Variants in UGT1A5 observed in about 807,000 individuals in gnomAD.
UGT1A5 encodes the protein UDP glucuronosyltransferase family 1 member A5, also known as UDP-glucuronosyltransferase 1A5.
In UGT1A5, 29 loss-of-function variants were observed where a neutral mutation model predicts 40.3. The observed-to-expected ratio is 0.72, with a 90% CI of 0.54 to 0.98. The LOEUF (loss-of-function observed/expected upper bound fraction) is 0.98, where lower values mean the gene tolerates loss of function less well. UGT1A5 is among the 50% of genes least tolerant of loss of function. UGT1A5 has a pLI of 0.00. For synonymous variants in UGT1A5, 257 were observed against 262.5 expected (o/e 0.98, Z 0.20); for missense variants, 678 against 677.9 (o/e 1.00, Z 0.00).
chr2:233,749,284 A>G (rs1432188982), intron 1 of UGT1A5, among the ~76,000 whole-genome samples: 1 of 151,920 alleles, frequency 6.6e-6, no homozygotes, highest in East Asian at 1.9e-4. Flanking sequence ...TATGCAGTGT[A>G]GTTATTCAAT....
chr2:233,720,495 T>G (rs546107081), intron 1 of UGT1A5, among the ~76,000 whole-genome samples: 4 of 152,212 alleles, frequency 2.6e-5, no homozygotes, highest in Admixed American at 2.6e-4. Context: ...AGAAGGGAAG[T>G]GTTTCTCAGG....
At chr2:233,771,408 T>C (rs1454905857) in intron 4 of UGT1A5, 2 of 152,208 alleles carry the variant, frequency 1.3e-5, no homozygotes, top group Non-Finnish European at 2.9e-5. Context: ...ATGAACACTG[T>C]CCAGAATAAA....
chr2:233,768,900 A>G (rs972191736), intron 4 of UGT1A5, among the ~76,000 whole-genome samples: 23 of 152,184 alleles, frequency 1.5e-4, no homozygotes, highest in African/African-American at 5.1e-4. Flanking sequence ...TATAAATAAG[A>G]TAATTTAGAG....
chr2:233,718,771 A>G, intron 1 of UGT1A5: 1 of 1,612,862 alleles, frequency 6.2e-7, no homozygotes, highest in African/African-American at 1.3e-5. Context: ...AAACAAATGT[A>G]GCAGGCACAG....
At chr2:233,768,188 A>G in intron 3 of UGT1A5, 32 bp from the exon 4 acceptor site, 1 of 1,614,062 alleles carries the variant, frequency 6.2e-7, no homozygotes, top group Non-Finnish European at 8.5e-7. Context: ...CAGAGATGTA[A>G]CTGCTGACAT....
At position 233,740,893 on chromosome 2, in the gene UGT1A5, T is replaced by C. The variant is rs1014621537; in HGVS notation, c.868-26141T>C. 52 of 150,244 alleles carry C rather than the reference T, an allele frequency of 3.5e-4. 1 individual carries two copies. Among genetic ancestry groups the C allele is most frequent in the African/African-American group, 1.2e-3 (48 of 39,828 alleles). 9.3% of individuals were successfully genotyped at this position (150,244 alleles called of 1,614,324 possible). A position where few individuals can be genotyped will look rare whatever the true frequency, so the allele number is the denominator to read the frequency against. The stretch of plus-strand genomic sequence containing the variant: ...ATAAAATGCTCTTGCAGGGACAACA[T>C]AGTAGGTCAACATTGTTCCCATCTC... On this transcript the variant is annotated intron_variant, in intron 1 of 4. Transcript: ENST00000373414.
chr2:233,718,804 C>T (rs748979755), intron 1 of UGT1A5: 52 of 1,613,118 alleles, frequency 3.2e-5, no homozygotes, highest in African/African-American at 4.0e-5. Context: ...AGTCAGCTGT[C>T]GGTGGCTTCT....
chr2:233,721,185 A>G (rs759923829), intron 1 of UGT1A5, among the ~76,000 whole-genome samples: 2 of 152,206 alleles, frequency 1.3e-5, no homozygotes, highest in Non-Finnish European at 2.9e-5. Flanking sequence ...TCAAACCACA[A>G]GATATTTGTT....
intron 1 of UGT1A5, chr2:233,756,230 C>T (rs1280753131): frequency 1.3e-5 from 2 of 152,182 alleles, no homozygotes; most frequent in African/African-American, 4.8e-5. Context: ...TAGTTTAGGA[C>T]AACCCTCCTT....
intron 1 of UGT1A5, among the ~76,000 whole-genome samples, chr2:233,724,483 C>CA (rs2077265873): frequency 1.5e-5 from 1 of 68,754 alleles, no homozygotes; most frequent in Non-Finnish European, 3.0e-5. Context: ...ACTTCTCAGA[C>CA]GGGGCGGCCG....
intron 1 of UGT1A5, chr2:233,747,579 G>A (rs1304501240): frequency 1.5e-5 from 24 of 1,582,358 alleles, no homozygotes; most frequent in Non-Finnish European, 2.0e-5. Context: ...TTCATCTTTG[G>A]TCTTTCATAG....
rs2126036602 is a variant in UGT1A5 at position 233,768,050 on chromosome 2, C to G, written c.1087+114C>G. On this transcript the variant is annotated intron_variant, in intron 3 of 4. Transcript: ENST00000373414. ...TTGAAAATATTATGGCCAACATATC[C>G]TACATTGCTTTTTATCTAGTGGGGT... 3 of 1,606,318 alleles carry G rather than the reference C, an allele frequency of 1.9e-6. No individual in the cohort carries two copies. In the Middle Eastern group the frequency reaches 5.0e-4, roughly 265 times the overall value.
chr2:233,729,114 G>T (rs1215880389), intron 1 of UGT1A5: 1 of 1,612,830 alleles, frequency 6.2e-7, no homozygotes. Context: ...AGCTGTCCGT[G>T]TCTTCTGCTG....
chr2:233,748,518 A>T lies in UGT1A5; in HGVS notation c.868-18516A>T, dbSNP rs151219324. Among the ~76,000 whole-genome samples the T allele has an allele frequency of 4.6e-3, 699 of 151,972 alleles. 22 individuals carry two copies. The highest frequency in any genetic ancestry group is 0.016 in the African/African-American group (660 of 41,240). Reference sequence around the variant, plus strand: ...TAATTTTTAGTGGTCCTGTCTTGCGAATGATAGAGAGGTGACCACAGGAGA... The same window carrying T: ...TAATTTTTAGTGGTCCTGTCTTGCGTATGATAGAGAGGTGACCACAGGAGA... On this transcript the variant is annotated intron_variant, in intron 1 of 4. Coordinates refer to ENST00000373414, the MANE Select transcript of UGT1A5 (RefSeq NM_019078.2).
chr2:233,737,563 C>G (rs1384498695), intron 1 of UGT1A5, among the ~76,000 whole-genome samples: 1 of 152,164 alleles, frequency 6.6e-6, no homozygotes, highest in Non-Finnish European at 1.5e-5. Context: ...GTGGGATGCA[C>G]CCACTATCCA....
intron 1 of UGT1A5, chr2:233,760,692 G>A (rs541943163): frequency 1.2e-6 from 2 of 1,614,200 alleles, no homozygotes; most frequent in South Asian, 1.1e-5. Flanking sequence ...ACAACAAGGA[G>A]CTCATGGCCT....
intron 1 of UGT1A5, chr2:233,755,263 C>T: frequency 1.2e-6 from 1 of 800,084 alleles, no homozygotes; most frequent in South Asian, 1.5e-5. Context: ...TCGTAGTAGT[C>T]CACTATGCTG....
rs2076318296 is a variant in UGT1A5, at chr2:233,713,402, G to T, written c.411G>T (p.Leu137=). 1 of 1,614,124 alleles carries T rather than the reference G, an allele frequency of 6.2e-7. No homozygotes were observed. The highest frequency in any genetic ancestry group is 1.7e-5 in the Admixed American group (1 of 60,022). The change falls in exon 1 of 5, where the codon CTG becomes CTT. Residue 137 remains leucine, a synonymous_variant. Transcript: ENST00000373414. ...SCVELLHNEA[L]IRHLHATSFD... is the part of the protein sequence containing the mutation. ...TGGAGCTACTGCATAATGAGGCCCT[G>T]ATCAGGCACCTGCATGCTACTTCCT...
chr2:233,769,846 A>T lies in UGT1A5; in HGVS notation c.1307+1407A>T. 5.9e-6 allele frequency: 3 copies of T among 506,296 alleles called. No individual in the cohort carries two copies. Among genetic ancestry groups the T allele is most frequent in the African/African-American group, 2.0e-5 (1 of 49,168 alleles). The allele number at this position is 506,296 out of a possible 1,614,324, so 31.4% of individuals were successfully genotyped here. ...CTCCAGCAACCTGGGCAACAGAGTG[A>T]GACCCTGTCTCAAAAAAAAAAAAAA... On this transcript the variant is annotated intron_variant, in intron 4 of 4. Coordinates refer to ENST00000373414, the MANE Select transcript of UGT1A5 (RefSeq NM_019078.2). The surrounding 1 kb of genome is among the most constrained non-coding windows in gnomAD (Gnocchi z 4.4).
Sources: allele counts gnomAD v4.1 joint callset (sites outside exome capture counted in the v4.1 genomes callset), GRCh38; gene constraint gnomAD v4.1.1; non-coding constraint Gnocchi (gnomAD v3.1); transcripts MANE v1.5; gene names NCBI Gene and HGNC (gene_info 2026-07-23, HGNC 2026-07-21).